The following PTPRD variants were observed in gnomAD, a reference collection of about 807,000 sequenced individuals.
PTPRD encodes the protein receptor-type tyrosine-protein phosphatase delta.
A neutral mutation model predicts 214.5 loss-of-function variants in PTPRD; 34 were observed. That is an observed-to-expected ratio of 0.16 (90% confidence interval 0.12 to 0.21). The LOEUF (loss-of-function observed/expected upper bound fraction) is 0.21, where lower values mean the gene tolerates loss of function less well. Ranked by LOEUF, PTPRD falls within the 10% of genes least tolerant of loss-of-function variation. The probability of loss-of-function intolerance (pLI) is 1.00; values close to 1 mark genes in which losing one functional copy is unlikely to be tolerated. For synonymous variants in PTPRD, 1,128 were observed against 845.7 expected, an observed-to-expected ratio of 1.33 and a Z score of -5.79; for missense variants, 2,545 against 2,398.7, an observed-to-expected ratio of 1.06 and a Z score of -1.27.
In PTPRD at chr9:8,870,325, T is replaced by C. The variant is rs539602269; in HGVS notation, c.-103-136379A>G. 7.9e-5 allele frequency among the ~76,000 whole-genome samples: 12 copies of C among 152,136 alleles called. 1 individual carries two copies. The highest frequency in any genetic ancestry group is 7.9e-4 in the Admixed American group (12 of 15,254). On this transcript the variant is annotated intron_variant, in intron 11 of 45. Coordinates refer to ENST00000381196, the MANE Select transcript of PTPRD (RefSeq NM_002839.4). ...CTACAGATTTTAAGGGAGGAGACAA[T>C]GTTGTTTTAACCTTGTAATTACTCC...
At chr9:8,943,096 A>T (rs2099043389) in intron 11 of PTPRD, among the ~76,000 whole-genome samples, 1 of 152,130 alleles carries the variant, frequency 6.6e-6, no homozygotes, top group Admixed American at 6.5e-5. Flanking sequence ...AATCTCTACA[A>T]TGAAAACTAT....
At chr9:9,961,400 CAAG>C (rs1587442919) in intron 4 of PTPRD, among the ~76,000 whole-genome samples, 1 of 152,016 alleles carries the variant, frequency 6.6e-6, no homozygotes. Context: ...TGAGAACAAA[CAAG>C]AAGAATGATT....
intron 7 of PTPRD, among the ~76,000 whole-genome samples, chr9:9,654,582 C>T (rs937508839): frequency 6.6e-5 from 10 of 152,204 alleles, no homozygotes; most frequent in East Asian, 1.9e-4. Context: ...AAATCAATTA[C>T]GTAAAACACT....
At chr9:9,685,933 A>T (rs2154400466) in intron 7 of PTPRD, among the ~76,000 whole-genome samples, 1 of 151,542 alleles carries the variant, frequency 6.6e-6, no homozygotes, top group South Asian at 2.1e-4. Context: ...TAAAAATATT[A>T]TCTCTTAATT....
intron 5 of PTPRD, among the ~76,000 whole-genome samples, chr9:9,841,842 A>G (rs2058399269): frequency 6.6e-6 from 1 of 152,106 alleles, no homozygotes. Context: ...TAGCATAAAT[A>G]TTTACACTGC....
At chr9:9,464,468 T>C (rs2093957287) in intron 8 of PTPRD, among the ~76,000 whole-genome samples, 1 of 152,238 alleles carries the variant, frequency 6.6e-6, no homozygotes, top group Non-Finnish European at 1.5e-5. Context: ...TCTTGCCTAA[T>C]TTTCATCTCC....
Position 8,316,869 on chromosome 9 carries a change from T to A in PTPRD, c.*1005A>T, listed in dbSNP as rs542812176. ...ATGTTTACAATAGCTTTTCTACGTTTAAAAAAACTAAATCATGGAAGAACT... is the reference window on the plus strand; with the variant it reads ...ATGTTTACAATAGCTTTTCTACGTTAAAAAAAACTAAATCATGGAAGAACT... On this transcript the variant is annotated 3_prime_UTR_variant, in exon 46 of 46. Coordinates refer to ENST00000381196, the MANE Select transcript of PTPRD (RefSeq NM_002839.4). 1.6e-4 allele frequency: 36 copies of A among 229,692 alleles called. 1 individual carries two copies. The South Asian group carries it at 6.2e-3, about 40-fold the overall frequency. 14.2% of individuals were successfully genotyped at this position (229,692 alleles called of 1,614,324 possible).
intron 3 of PTPRD, among the ~76,000 whole-genome samples, chr9:10,265,119 G>A (rs904371207): frequency 2.6e-5 from 4 of 152,092 alleles, no homozygotes; most frequent in African/African-American, 7.2e-5. Context: ...TCAGCAGCAC[G>A]AAAACAGACT....
At chr9:9,220,897 A>G (rs1377106047) in intron 9 of PTPRD, among the ~76,000 whole-genome samples, 2 of 152,096 alleles carry the variant, frequency 1.3e-5, no homozygotes, top group African/African-American at 2.4e-5. Flanking sequence ...TTTTGCTGAC[A>G]CTTGCAGGTT....
chr9:9,051,117 T>C (rs940800404), intron 10 of PTPRD, among the ~76,000 whole-genome samples: 1 of 152,182 alleles, frequency 6.6e-6, no homozygotes, highest in Non-Finnish European at 1.5e-5. Context: ...CTATCAGTCA[T>C]TCTCTGTACA....
chr9:9,617,026 T>C (rs1438145766), intron 7 of PTPRD, among the ~76,000 whole-genome samples: 2 of 152,148 alleles, frequency 1.3e-5, no homozygotes, highest in African/African-American at 4.8e-5. Flanking sequence ...TCAAGTGACC[T>C]CCCAGAATGA....
intron 3 of PTPRD, among the ~76,000 whole-genome samples, chr9:10,161,819 A>G (rs1267366917): frequency 6.6e-6 from 1 of 151,794 alleles, no homozygotes; most frequent in Non-Finnish European, 1.5e-5. Context: ...TAACCAGAAT[A>G]TATAAGAAGC....
At chr9:9,692,926 T>C (rs1450268987) in intron 7 of PTPRD, among the ~76,000 whole-genome samples, 1 of 152,060 alleles carries the variant, frequency 6.6e-6, no homozygotes, top group Non-Finnish European at 1.5e-5. Flanking sequence ...TTTCATATTG[T>C]TCACTGTTGG....
intron 5 of PTPRD, among the ~76,000 whole-genome samples, chr9:9,856,863 G>C (rs917163971): frequency 6.6e-6 from 1 of 152,150 alleles, no homozygotes; most frequent in Non-Finnish European, 1.5e-5. Context: ...AAGGAGAAAG[G>C]AATGTACAAG....
intron 5 of PTPRD, among the ~76,000 whole-genome samples, chr9:9,820,261 T>C (rs1401150066): frequency 1.3e-5 from 2 of 152,144 alleles, no homozygotes; most frequent in Non-Finnish European, 2.9e-5. Flanking sequence ...TTTTTTCAGA[T>C]GTTTGTTTAC....
chr9:9,751,032 C>T (rs2098513048), intron 6 of PTPRD, among the ~76,000 whole-genome samples: 1 of 152,118 alleles, frequency 6.6e-6, no homozygotes, highest in Non-Finnish European at 1.5e-5. Context: ...ACTTACACGA[C>T]TTCAGAATGT....
At chr9:8,980,544 T>A (rs1206109079) in intron 11 of PTPRD, among the ~76,000 whole-genome samples, 1 of 152,036 alleles carries the variant, frequency 6.6e-6, no homozygotes, top group African/African-American at 2.4e-5. Flanking sequence ...GAAAATAACA[T>A]TAGGTTTCTA....
intron 8 of PTPRD, among the ~76,000 whole-genome samples, chr9:9,516,348 A>C (rs668205): frequency 0.33 from 50,427 of 151,770 alleles, 8,936 homozygotes; most frequent in Non-Finnish European, 0.39. Context: ...CCATAACTCT[A>C]AAAAGACAGA....
chr9:9,717,069 G>A (rs932851189), intron 7 of PTPRD, among the ~76,000 whole-genome samples: 6 of 151,994 alleles, frequency 3.9e-5, no homozygotes, highest in Non-Finnish European at 7.4e-5. Flanking sequence ...TTCTCCATAT[G>A]GCTAGCCAGT....
Sources: allele counts gnomAD v4.1 joint callset (sites outside exome capture counted in the v4.1 genomes callset), GRCh38; gene constraint gnomAD v4.1.1; transcripts MANE v1.5; gene names NCBI Gene and HGNC (gene_info 2026-07-23, HGNC 2026-07-21).